Variants in FBXW10B observed in about 807,000 individuals in gnomAD.
FBXW10B encodes the protein F-box and WD repeat domain containing protein 10B.
chr17:15,600,604 C>A, the FBXW10B span, among the ~76,000 whole-genome samples: 1 of 151,480 alleles, frequency 6.6e-6, no homozygotes, highest in African/African-American at 2.4e-5. Flanking sequence ...GTATTATGCT[C>A]AGTGGAGAAA....
chr17:15,592,281 A>T, the FBXW10B span, among the ~76,000 whole-genome samples: 1 of 147,734 alleles, frequency 6.8e-6, no homozygotes, highest in African/African-American at 2.5e-5. Flanking sequence ...TGCTGTGAGT[A>T]AAAAATGGCC....
At chr17:15,586,729 T>G in the FBXW10B span, among the ~76,000 whole-genome samples, 1 of 151,388 alleles carries the variant, frequency 6.6e-6, no homozygotes, top group Admixed American at 6.6e-5. Flanking sequence ...TGCTTGGCTT[T>G]GAAGAGTGTT....
chr17:15,604,670 G>C, the FBXW10B span, among the ~76,000 whole-genome samples: 2 of 152,218 alleles, frequency 1.3e-5, no homozygotes, highest in South Asian at 4.2e-4. Context: ...GAGTAGCTGG[G>C]ACTACAGGTG....
At chr17:15,578,087 G>C in the FBXW10B span, among the ~76,000 whole-genome samples, 1 of 151,760 alleles carries the variant, frequency 6.6e-6, no homozygotes, top group East Asian at 1.9e-4. Flanking sequence ...GTGTTTCAGG[G>C]GGCAAGGGGG....
At chr17:15,607,503 G>C in the FBXW10B span, 10 of 1,408,378 alleles carry the variant, frequency 7.1e-6, no homozygotes, top group Non-Finnish European at 9.9e-6. Context: ...ACAAAGGTCA[G>C]GGAAATCCCA....
At chr17:15,583,358 C>A in the FBXW10B span, among the ~76,000 whole-genome samples, 2 of 140,884 alleles carry the variant, frequency 1.4e-5, no homozygotes, top group African/African-American at 5.1e-5. Context: ...CTAGAAACAC[C>A]CCCTGTCCAC....
At chr17:15,611,965 T>C in the FBXW10B span, among the ~76,000 whole-genome samples, 15 of 152,220 alleles carry the variant, frequency 9.9e-5, no homozygotes, top group Non-Finnish European at 1.9e-4. Flanking sequence ...CAAATTCATC[T>C]AGGCCCTAGG....
chr17:15,602,107 G>A, the FBXW10B span, among the ~76,000 whole-genome samples: 2 of 134,104 alleles, frequency 1.5e-5, no homozygotes, highest in South Asian at 2.4e-4. Flanking sequence ...GCGAGACTCC[G>A]TCTTAAAAAA....
At chr17:15,615,563 T>G in the FBXW10B span, 1 of 1,579,292 alleles carries the variant, frequency 6.3e-7, no homozygotes, top group Non-Finnish European at 8.6e-7. Flanking sequence ...TCTGCTTGCC[T>G]CGGCCTCCCA....
the FBXW10B span, among the ~76,000 whole-genome samples, chr17:15,591,096 G>A: frequency 3.7e-5 from 5 of 135,992 alleles, no homozygotes; most frequent in African/African-American, 1.7e-4. Flanking sequence ...CTGAGGGCTA[G>A]AGGCCCTTGT....
the FBXW10B span, among the ~76,000 whole-genome samples, chr17:15,588,165 C>T: frequency 6.6e-6 from 1 of 152,308 alleles, no homozygotes; most frequent in East Asian, 1.9e-4. Flanking sequence ...GTGCGACCTC[C>T]CCTTGAAAAT....
At chr17:15,596,039 C>T in the FBXW10B span, among the ~76,000 whole-genome samples, 4 of 151,612 alleles carry the variant, frequency 2.6e-5, no homozygotes, top group East Asian at 3.9e-4. Flanking sequence ...CCACCATGCC[C>T]GGCTAATTTT....
the FBXW10B span, among the ~76,000 whole-genome samples, chr17:15,599,945 G>A: frequency 1.1e-3 from 173 of 152,068 alleles, no homozygotes; most frequent in African/African-American, 3.9e-3. Flanking sequence ...AGCCGGGCAC[G>A]GTGGCTCACA....
chr17:15,615,292 C>T, the FBXW10B span, among the ~76,000 whole-genome samples: 4 of 148,508 alleles, frequency 2.7e-5, no homozygotes, highest in Non-Finnish European at 3.0e-5. Context: ...TGGGTCTTCC[C>T]AATCTCACAT....
At chr17:15,604,047 T>C in the FBXW10B span, among the ~76,000 whole-genome samples, 1 of 143,276 alleles carries the variant, frequency 7.0e-6, no homozygotes, top group Admixed American at 7.0e-5. Flanking sequence ...GCCACTGCCC[T>C]CCAGCCTGGG....
the FBXW10B span, among the ~76,000 whole-genome samples, chr17:15,617,232 C>T: frequency 6.6e-6 from 1 of 152,184 alleles, no homozygotes; most frequent in Non-Finnish European, 1.5e-5. Context: ...ATATTGTGAT[C>T]TAATTGTGTC....
chr17:15,597,053 T>TAA, the FBXW10B span, among the ~76,000 whole-genome samples: 27 of 143,496 alleles, frequency 1.9e-4, no homozygotes, highest in Admixed American at 4.9e-4. Flanking sequence ...CAGGTAAAAT[T>TAA]AAAAAAAAAA....
chr17:15,593,399 C>T, the FBXW10B span: 18 of 1,614,194 alleles, frequency 1.1e-5, no homozygotes, highest in Non-Finnish European at 1.5e-5. Context: ...TTATCACCTT[C>T]ATACAGTTCC....
At chr17:15,599,067 C>G in the FBXW10B span, among the ~76,000 whole-genome samples, 4 of 151,448 alleles carry the variant, frequency 2.6e-5, no homozygotes, top group Non-Finnish European at 5.9e-5. Context: ...CCCAGCTACT[C>G]AGGAGGCTGA....
Sources: allele counts gnomAD v4.1 joint callset (sites outside exome capture counted in the v4.1 genomes callset), GRCh38; gene constraint gnomAD v4.1.1; transcripts MANE v1.5; gene names NCBI Gene and HGNC (gene_info 2026-07-23, HGNC 2026-07-21).